DIP2C: variants seen among roughly 807,000 people sequenced by gnomAD.
DIP2C encodes the protein DIP2 acetate--CoA ligase C (putative), also known as disco-interacting protein 2 homolog C.
A neutral mutation model predicts 192.4 loss-of-function variants in DIP2C; 33 were observed. The ratio of observed to expected loss-of-function variants is 0.17; its 90% confidence interval spans 0.13 to 0.23. DIP2C has a LOEUF of 0.23. Among genes scored for constraint, DIP2C ranks in the 10% least tolerant of loss-of-function variants. The pLI, the probability that DIP2C is intolerant of heterozygous loss-of-function variation, is 1.00. For synonymous variants in DIP2C, 979 were observed against 864.1 expected, an observed-to-expected ratio of 1.13 and a Z score of -2.33; for missense variants, 1,537 against 2,110.1, an observed-to-expected ratio of 0.73 and a Z score of 5.32.
intron 31 of DIP2C, among the ~76,000 whole-genome samples, chr10:321,652 GC>G: frequency 1.2e-5 from 1 of 81,186 alleles, no homozygotes; most frequent in African/African-American, 5.6e-5. Context: ...AGAGACCGGC[GC>G]TGTTAGAACA....
chr10:672,143 G>T (rs552834350), intron 1 of DIP2C, among the ~76,000 whole-genome samples: 1 of 151,066 alleles, frequency 6.6e-6, no homozygotes, highest in African/African-American at 2.4e-5. Context: ...ACACATGGAC[G>T]GAGGAAACAG....
chr10:314,727 C>A (rs1356355921), intron 31 of DIP2C, among the ~76,000 whole-genome samples: 1 of 152,184 alleles, frequency 6.6e-6, no homozygotes, highest in African/African-American at 2.4e-5. Context: ...TCTAGCAAGT[C>A]CCAGATTGAG....
intron 1 of DIP2C, among the ~76,000 whole-genome samples, chr10:578,024 A>G (rs1419591804): frequency 1.3e-5 from 2 of 152,212 alleles, no homozygotes; most frequent in African/African-American, 2.4e-5. Context: ...TACTAATTTT[A>G]AAAATCCAAA....
intron 1 of DIP2C, among the ~76,000 whole-genome samples, chr10:507,577 G>A (rs1384288605): frequency 6.6e-6 from 1 of 152,252 alleles, no homozygotes; most frequent in Non-Finnish European, 1.5e-5. Flanking sequence ...CGCGGTGACG[G>A]ACCTGGTCAT....
Position 345,252 on chromosome 10 carries a change from GC to G in DIP2C, c.3232-143del. 2.4e-6 allele frequency: 2 copies of G among 836,502 alleles called. 1 individual carries two copies. The highest frequency in any genetic ancestry group is 2.9e-5 in the South Asian group (2 of 69,380). 51.8% of individuals were successfully genotyped at this position (836,502 alleles called of 1,614,324 possible). The stretch of plus-strand genomic sequence containing the variant: ...ATGAGGTTACCGAGCCCTCCTGCTG[GC>G]TAAGGTAGGACAGAGCTAGGAGTCT... On this transcript the variant is annotated intron_variant, in intron 26 of 36. Coordinates refer to ENST00000280886, the MANE Select transcript of DIP2C (RefSeq NM_014974.3).
At chr10:380,728 T>C (rs1033260414) in intron 17 of DIP2C, among the ~76,000 whole-genome samples, 11 of 152,248 alleles carry the variant, frequency 7.2e-5, no homozygotes, top group Non-Finnish European at 1.6e-4. Flanking sequence ...ATTCATTTTG[T>C]TCTCATGCCA....
At chr10:288,546 G>T in intron 32 of DIP2C, 125 bp from the exon 33 acceptor site, 1 of 989,400 alleles carries the variant, frequency 1.0e-6, no homozygotes, top group Non-Finnish European at 1.6e-6. Flanking sequence ...TCATCCAACA[G>T]CAAGGACGAA....
chr10:592,596 T>C (rs1242665616), intron 1 of DIP2C, among the ~76,000 whole-genome samples: 2 of 152,200 alleles, frequency 1.3e-5, no homozygotes, highest in Non-Finnish European at 2.9e-5. Flanking sequence ...AGAAAGGGTA[T>C]GGTTCTGAAT....
chr10:455,324 G>A (rs560386628), intron 3 of DIP2C, among the ~76,000 whole-genome samples: 2 of 141,876 alleles, frequency 1.4e-5, no homozygotes, highest in South Asian at 4.6e-4. Context: ...TGCCTGAGGG[G>A]AGACCGTGAG....
intron 1 of DIP2C, among the ~76,000 whole-genome samples, chr10:584,582 C>T (rs1160456653): frequency 7.8e-6 from 1 of 128,672 alleles, no homozygotes; most frequent in Non-Finnish European, 1.6e-5. Flanking sequence ...CGACCTGACC[C>T]CCACTCACGC....
At position 336,631 on chromosome 10, in the gene DIP2C, C is replaced by T. The variant is rs115339521; in HGVS notation, c.3584+4568G>A. ...ACTGTACTTTGTTATTTTACAGCAT[C>T]CTCCTACTTATAAAAAAGAAAGTAA... On this transcript the variant is annotated intron_variant, in intron 29 of 36. Transcript: ENST00000280886. Among the ~76,000 whole-genome samples the T allele has an allele frequency of 4.3e-3, 653 of 152,326 alleles. 5 individuals carry two copies. The highest frequency in any genetic ancestry group is 0.014 in the African/African-American group (602 of 41,572).
chr10:359,163 C>G (rs559951680), intron 22 of DIP2C, among the ~76,000 whole-genome samples: 1 of 152,136 alleles, frequency 6.6e-6, no homozygotes, highest in Admixed American at 6.5e-5. Context: ...CCATGACAAC[C>G]GATGTCCCTC....
intron 1 of DIP2C, among the ~76,000 whole-genome samples, chr10:618,046 T>C (rs1169223499): frequency 6.6e-6 from 1 of 152,182 alleles, no homozygotes; most frequent in Non-Finnish European, 1.5e-5. Context: ...TGTGATTGTG[T>C]GTTTAAAATT....
At chr10:477,098 G>A (rs1450464494) in intron 2 of DIP2C, among the ~76,000 whole-genome samples, 1 of 149,836 alleles carries the variant, frequency 6.7e-6, no homozygotes, top group African/African-American at 2.5e-5. Context: ...CAGACAGCAG[G>A]AGATACAAGG....
chr10:378,415 G>T (rs945601846), intron 17 of DIP2C, among the ~76,000 whole-genome samples: 15 of 152,152 alleles, frequency 9.9e-5, no homozygotes, highest in Non-Finnish European at 1.9e-4. Context: ...AGACATGAAG[G>T]CATGCATGCA....
chr10:301,930 CTTTTA>C (rs762105772), intron 32 of DIP2C, among the ~76,000 whole-genome samples: 18 of 152,124 alleles, frequency 1.2e-4, no homozygotes, highest in Non-Finnish European at 2.1e-4. Context: ...AAAGTGAATT[CTTTTA>C]TTTTTCATTC....
chr10:445,497 A>G (rs540930992), intron 3 of DIP2C, among the ~76,000 whole-genome samples: 2 of 151,204 alleles, frequency 1.3e-5, no homozygotes, highest in South Asian at 2.1e-4. Flanking sequence ...ACTGTTGTGA[A>G]GAGTCTATCT....
At chr10:297,786 T>C (rs957753021) in intron 32 of DIP2C, among the ~76,000 whole-genome samples, 32 of 152,124 alleles carry the variant, frequency 2.1e-4, no homozygotes, top group African/African-American at 7.7e-4. Flanking sequence ...TAATTTATCA[T>C]TCAAATAGCT....
chr10:470,521 C>T (rs1454279276), intron 3 of DIP2C, among the ~76,000 whole-genome samples: 1 of 152,182 alleles, frequency 6.6e-6, no homozygotes, highest in Non-Finnish European at 1.5e-5. Flanking sequence ...AGATAACCAT[C>T]TCCTACTACA....
Sources: allele counts gnomAD v4.1 joint callset (sites outside exome capture counted in the v4.1 genomes callset), GRCh38; gene constraint gnomAD v4.1.1; transcripts MANE v1.5; gene names NCBI Gene and HGNC (gene_info 2026-07-23, HGNC 2026-07-21).